Variants in SDC3 observed in about 807,000 individuals in gnomAD.
The protein encoded by SDC3 is syndecan-3.
In SDC3, 13 loss-of-function variants were observed where a neutral mutation model predicts 24.4. The ratio of observed to expected loss-of-function variants is 0.53; its 90% CI spans 0.35 to 0.85. The LOEUF is 0.85. SDC3 is among the 40% of genes least tolerant of loss of function. The pLI, the probability that SDC3 is intolerant of heterozygous loss-of-function variation, is 0.01. For missense variants in SDC3, 571 were observed against 584.5 expected (o/e 0.98, Z 0.24); for synonymous variants, 295 against 260.9 (o/e 1.13, Z -1.26).
chr1:30,873,768 A>T lies in SDC3; in HGVS notation c.1163-391T>A, dbSNP rs567097429. Among the ~76,000 whole-genome samples, 4 of 152,280 alleles carry T rather than the reference A, an allele frequency of 2.6e-5. No homozygotes were observed. In the South Asian group the frequency reaches 8.3e-4, roughly 32 times the overall value. Reference sequence around the variant, plus strand: ...ACATGTGAACAGATGTGCCTCTTAGAATTGATTAAGGGCAAAATGACTATC... The same window carrying T: ...ACATGTGAACAGATGTGCCTCTTAGTATTGATTAAGGGCAAAATGACTATC... On this transcript the variant is annotated intron_variant, in intron 4 of 4. Coordinates refer to ENST00000339394, the MANE Select transcript of SDC3 (RefSeq NM_014654.4).
rs117754551 is a variant in SDC3, at chr1:30,897,752, A to G, written c.138+10697T>C. On this transcript the variant is annotated intron_variant, in intron 1 of 4. Coordinates refer to ENST00000339394, the MANE Select transcript of SDC3 (RefSeq NM_014654.4). Reference sequence around the variant, plus strand: ...AGCTGGGCCACTCACTAGCTCTGTGACCTTGCACAAATTATTTAACCTCTC... The same window carrying G: ...AGCTGGGCCACTCACTAGCTCTGTGGCCTTGCACAAATTATTTAACCTCTC... 4.0e-4 allele frequency among the ~76,000 whole-genome samples: 61 copies of G among 152,274 alleles called. 1 individual carries two copies. In the East Asian group the frequency reaches 0.012, roughly 29 times the overall value.
chr1:30,876,754 C>A lies in SDC3; in HGVS notation c.668G>T (p.Arg223Leu). 6.3e-7 allele frequency: 1 copy of A among 1,587,516 alleles called. No individual in the cohort carries two copies. Among genetic ancestry groups the A allele is most frequent in the Non-Finnish European group, 8.6e-7 (1 of 1,166,308 alleles). ...GGAGGGCGCCTCGGGGGTAGTGGCC[C>A]GTGCCGTAGCCACTGTGGTCAGTGG... ...PLPLTTVATA[R>L]ATTPEAPSPP... Residue 223 changes from arginine (R) to leucine (L), a missense_variant, in exon 3 of 5, where the codon CGG becomes CTG. Arg to Leu is a moderately radical substitution (Grantham distance 102, BLOSUM62 -2). This residue lies in a region of SDC3 where 497 missense variants were observed against 471.6 expected (regional missense o/e 1.05). Transcript: ENST00000339394.
intron 1 of SDC3, chr1:30,879,838 G>A (rs926058867): frequency 2.0e-5 from 3 of 152,358 alleles, no homozygotes; most frequent in African/African-American, 7.2e-5. Flanking sequence ...TCAGTGACCA[G>A]TGCCACTTAG....
chr1:30,882,229 C>T (rs1639755248), intron 1 of SDC3, among the ~76,000 whole-genome samples: 1 of 152,224 alleles, frequency 6.6e-6, no homozygotes, highest in South Asian at 2.1e-4. Flanking sequence ...CGCAAACACG[C>T]ACTTTCCTTC....
At chr1:30,890,586 T>C (rs1290851291) in intron 1 of SDC3, among the ~76,000 whole-genome samples, 1 of 152,192 alleles carries the variant, frequency 6.6e-6, no homozygotes, top group Non-Finnish European at 1.5e-5. Context: ...TACAACTATG[T>C]AAATATACTA....
chr1:30,895,429 G>GC (rs1211837495), intron 1 of SDC3, among the ~76,000 whole-genome samples: 1 of 152,194 alleles, frequency 6.6e-6, no homozygotes, highest in African/African-American at 2.4e-5. Flanking sequence ...ATAGGATCCA[G>GC]CCAGCCAGGG....
upstream of SDC3, among the ~76,000 whole-genome samples, chr1:30,909,310 C>A (rs1029435794): frequency 1.3e-5 from 2 of 152,182 alleles, no homozygotes; most frequent in African/African-American, 2.4e-5. Flanking sequence ...GGGCCTCGGT[C>A]TCCCCAGGGG....
chr1:30,897,031 C>A (rs749978904), intron 1 of SDC3, among the ~76,000 whole-genome samples: 1 of 152,072 alleles, frequency 6.6e-6, no homozygotes. Context: ...AAGGCACTGA[C>A]GGGAATTAAT....
rs1639541402 is a variant in SDC3 at position 30,871,680 on chromosome 1, C to T, written c.*1531G>A. 6.6e-6 allele frequency: 1 copy of T among 152,392 alleles called. No homozygotes were observed. The highest frequency in any genetic ancestry group is 1.5e-5 in the Non-Finnish European group (1 of 68,172). 9.4% of individuals were successfully genotyped at this position (152,392 alleles called of 1,614,324 possible). ...GGTGCGGAGGGCCCGCCCTCACAGG[C>T]ACTTTGGAGACTTGTGTCCTGGGAG... On this transcript the variant is annotated 3_prime_UTR_variant, in exon 5 of 5. Coordinates refer to ENST00000339394, the MANE Select transcript of SDC3 (RefSeq NM_014654.4).
At chr1:30,894,630 AGTGTGTGGGT>A (rs976072842) in intron 1 of SDC3, among the ~76,000 whole-genome samples, 19 of 25,946 alleles carry the variant, frequency 7.3e-4, no homozygotes, top group Non-Finnish European at 1.6e-3. Context: ...TGTGGGTGAG[AGTGTGTGGGT>A]GTGTGTGGGG....
At chr1:30,899,419 GGC>G (rs1638361420) in intron 1 of SDC3, among the ~76,000 whole-genome samples, 1 of 152,022 alleles carries the variant, frequency 6.6e-6, no homozygotes, top group Non-Finnish European at 1.5e-5. Flanking sequence ...CTGTCACCCA[GGC>G]GAGAGTGCAG....
At chr1:30,895,048 GA>G (rs1460988223) in intron 1 of SDC3, among the ~76,000 whole-genome samples, 1 of 152,082 alleles carries the variant, frequency 6.6e-6, no homozygotes, top group Non-Finnish European at 1.5e-5. Flanking sequence ...CCAAGGTAGA[GA>G]GCATCTCCCA....
chr1:30,875,305 G>A (rs751167090), intron 3 of SDC3, among the ~76,000 whole-genome samples: 16 of 152,234 alleles, frequency 1.1e-4, no homozygotes, highest in East Asian at 9.6e-4. Flanking sequence ...CGTACACAGC[G>A]TGCACAATGG....
chr1:30,877,047 T>C lies in SDC3; in HGVS notation c.375A>G (p.Pro125=), dbSNP rs141463201. ...GGCGCTCAGAGGGGAGCTCTTCAAA[T>C]GGTGTGCCCACAGGCTGGATGTTCG... is the stretch of plus-strand genomic sequence containing the variant. ...PTTNIQPVGT[P]FEELPSERPT... Residue 125 remains proline (P), a synonymous_variant, in exon 3 of 5, where the codon CCA becomes CCG. Transcript: ENST00000339394. 25 of 1,613,756 alleles carry C rather than the reference T, an allele frequency of 1.5e-5. No individual in the cohort carries two copies. Among genetic ancestry groups the C allele is most frequent in the Non-Finnish European group, 2.0e-5 (24 of 1,179,982 alleles).
chr1:30,889,362 T>A (rs111836150), intron 1 of SDC3, among the ~76,000 whole-genome samples: 8 of 152,278 alleles, frequency 5.3e-5, no homozygotes, highest in African/African-American at 1.9e-4. Flanking sequence ...CAGAGGGTCA[T>A]AAGGACTGAA....
At chr1:30,897,684 A>G (rs1638300404) in intron 1 of SDC3, among the ~76,000 whole-genome samples, 1 of 152,234 alleles carries the variant, frequency 6.6e-6, no homozygotes, top group Non-Finnish European at 1.5e-5. Context: ...GTGCTTATGT[A>G]CTAGATGGGA....
At chr1:30,881,027 G>GCAAACA (rs368336130) in intron 1 of SDC3, among the ~76,000 whole-genome samples, 9 of 134,654 alleles carry the variant, frequency 6.7e-5, no homozygotes, top group South Asian at 2.4e-4. Flanking sequence ...GCGCACGCAT[G>GCAAACA]CACACACACA....
Position 30,869,995 on chromosome 1 carries a change from G to T in SDC3, c.*3216C>A, listed in dbSNP as rs1287139198. 1 of 397,908 alleles carries T rather than the reference G, an allele frequency of 2.5e-6. No individual in the cohort carries two copies. Among genetic ancestry groups the T allele is most frequent in the African/African-American group, 2.1e-5 (1 of 48,632 alleles). 24.6% of individuals were successfully genotyped at this position (397,908 alleles called of 1,614,324 possible). A position where few individuals can be genotyped will look rare whatever the true frequency, so the allele number is the denominator to read the frequency against. On this transcript the variant is annotated 3_prime_UTR_variant, in exon 5 of 5. Transcript: ENST00000339394. ...CCAGTCTCGATGCCTCTGTAAATCT[G>T]TACAGTTTGCGGGCTTCTATTTACA...
chr1:30,904,352 C>T (rs1638473097), intron 1 of SDC3, among the ~76,000 whole-genome samples: 1 of 152,054 alleles, frequency 6.6e-6, no homozygotes, highest in Admixed American at 6.6e-5. Context: ...CCTCTCTCTC[C>T]CACTTGGGAT....
Sources: gnomAD v4.1 joint callset for allele counts (sites outside exome capture counted in the v4.1 genomes callset) on GRCh38, gnomAD v4.1.1 for gene constraint, gnomAD v4.1.1 regional missense constraint, MANE v1.5 for transcripts, NCBI Gene and HGNC (gene_info 2026-07-23, HGNC 2026-07-21) for gene names.